Variants in SEMA6D observed in about 807,000 individuals in gnomAD.
SEMA6D encodes semaphorin-6D.
SEMA6D carries 35 observed loss-of-function variants against 106.6 expected under a neutral mutation model. The observed-to-expected ratio is 0.33, with a 90% CI of 0.25 to 0.44. SEMA6D has a LOEUF of 0.44. Among genes scored for constraint, SEMA6D ranks in the 20% least tolerant of loss-of-function variants. The probability of loss-of-function intolerance (pLI) is 1.00; values close to 1 mark genes in which losing one functional copy is unlikely to be tolerated. For missense variants in SEMA6D, 1,185 were observed against 1,345.9 expected, an observed-to-expected ratio of 0.88 and a Z score of 1.87; for synonymous variants, 499 against 487.7, an observed-to-expected ratio of 1.02 and a Z score of -0.31.
At chr15:47,201,687 C>A in intron 1 of SEMA6D, among the ~76,000 whole-genome samples, 1 of 152,056 alleles carries the variant, frequency 6.6e-6, no homozygotes, top group East Asian at 1.9e-4. Flanking sequence ...TTAACCATAC[C>A]TTTTACTTAA....
intron 3 of SEMA6D, among the ~76,000 whole-genome samples, chr15:47,503,698 C>T (rs2043938689): frequency 6.6e-6 from 1 of 151,868 alleles, no homozygotes; most frequent in Non-Finnish European, 1.5e-5. Flanking sequence ...GTCACACACA[C>T]ACACACACAC....
chr15:47,725,402 A>G (rs2079680163), intron 1 of SEMA6D, among the ~76,000 whole-genome samples: 1 of 152,204 alleles, frequency 6.6e-6, no homozygotes, highest in Non-Finnish European at 1.5e-5. Context: ...AATAGAGAAA[A>G]GGGAAATGAC....
intron 4 of SEMA6D, among the ~76,000 whole-genome samples, chr15:47,695,106 G>T: frequency 6.6e-6 from 1 of 152,168 alleles, no homozygotes; most frequent in East Asian, 1.9e-4. Flanking sequence ...GCCACTAGGT[G>T]GTCCATGCTT....
intron 1 of SEMA6D, among the ~76,000 whole-genome samples, chr15:47,344,576 AG>A (rs1373519514): frequency 6.6e-6 from 1 of 152,172 alleles, no homozygotes; most frequent in Non-Finnish European, 1.5e-5. Context: ...GAGTCTGAGA[AG>A]ACCAAGGTGG....
intron 2 of SEMA6D, among the ~76,000 whole-genome samples, chr15:47,432,719 C>G (rs2041579110): frequency 6.6e-6 from 1 of 152,032 alleles, no homozygotes; most frequent in African/African-American, 2.4e-5. Flanking sequence ...GACCATGTGA[C>G]CACACTTGAG....
intron 1 of SEMA6D, among the ~76,000 whole-genome samples, chr15:47,217,742 A>G (rs1379608883): frequency 6.6e-6 from 1 of 151,642 alleles, no homozygotes; most frequent in Non-Finnish European, 1.5e-5. Flanking sequence ...GATTTCACTT[A>G]ATTAAAGTTA....
chr15:47,252,617 A>G (rs1235074175), intron 1 of SEMA6D, among the ~76,000 whole-genome samples: 3 of 152,160 alleles, frequency 2.0e-5, no homozygotes, highest in Non-Finnish European at 4.4e-5. Flanking sequence ...CAACTTTCCT[A>G]GATTCCATAT....
chr15:47,768,470 A>T, intron 17 of SEMA6D, 111 bp from the exon 18 acceptor site: 1 of 943,054 alleles, frequency 1.1e-6, no homozygotes, highest in Non-Finnish European at 1.5e-6. Context: ...ACAAAATCCT[A>T]GAGCAAACTT....
chr15:47,734,492 G>T (rs917980771), intron 1 of SEMA6D, among the ~76,000 whole-genome samples: 7 of 152,082 alleles, frequency 4.6e-5, no homozygotes, highest in Admixed American at 3.3e-4. Flanking sequence ...TGCAAATCAC[G>T]TAGCTGATCC....
chr15:47,709,476 T>C (rs577958319), intron 4 of SEMA6D, among the ~76,000 whole-genome samples: 1 of 152,370 alleles, frequency 6.6e-6, no homozygotes, highest in Non-Finnish European at 1.5e-5. Flanking sequence ...AAATGCAAGG[T>C]ATTTCTCGTT....
At chr15:47,193,748 C>T (rs555420494) in intron 1 of SEMA6D, among the ~76,000 whole-genome samples, 1 of 152,214 alleles carries the variant, frequency 6.6e-6, no homozygotes, top group African/African-American at 2.4e-5. Flanking sequence ...ATTGACTCTT[C>T]ATAGCTTCTT....
At chr15:47,700,120 A>G (rs2078779467) in intron 4 of SEMA6D, among the ~76,000 whole-genome samples, 1 of 136,420 alleles carries the variant, frequency 7.3e-6, no homozygotes, top group African/African-American at 2.9e-5. Context: ...CTTTATTGAA[A>G]TAAATCAAAA....
rs376454672 is a variant in SEMA6D at position 47,370,683 on chromosome 15, TA to T, written c.-238-41683del. 4.1e-3 allele frequency among the ~76,000 whole-genome samples: 394 copies of T among 95,164 alleles called. 6 individuals are homozygous for T. Among genetic ancestry groups the T allele is most frequent in the East Asian group, 0.024 (71 of 2,972 alleles). 62.4% of individuals were successfully genotyped at this position (95,164 alleles called of 152,430 possible). A position where few individuals can be genotyped will look rare whatever the true frequency, so the allele number is the denominator to read the frequency against. On this transcript the variant is annotated intron_variant, in intron 1 of 19. Transcript: ENST00000558014. ...AACATGGTAAAGCGCCGTCTCTACT[TA>T]AAAAAAAAAAAAAAAAAAAAAAAAA...
chr15:47,627,161 A>T (rs2077217305), intron 4 of SEMA6D, among the ~76,000 whole-genome samples: 1 of 152,106 alleles, frequency 6.6e-6, no homozygotes, highest in East Asian at 1.9e-4. Context: ...TCTTCTCCCA[A>T]CCTGGTAATA....
chr15:47,275,807 A>G (rs545604490), intron 1 of SEMA6D, among the ~76,000 whole-genome samples: 2 of 152,296 alleles, frequency 1.3e-5, no homozygotes, highest in Admixed American at 1.3e-4. Flanking sequence ...GTTAGAAGTG[A>G]TTAAGCTGAG....
intron 1 of SEMA6D, among the ~76,000 whole-genome samples, chr15:47,334,661 C>T (rs2037478627): frequency 6.6e-6 from 1 of 152,114 alleles, no homozygotes; most frequent in South Asian, 2.1e-4. Flanking sequence ...GTGGGATTTG[C>T]TAGAAGGGCC....
chr15:47,407,078 T>A (rs1165029081), intron 1 of SEMA6D, among the ~76,000 whole-genome samples: 4 of 152,160 alleles, frequency 2.6e-5, no homozygotes, highest in Non-Finnish European at 5.9e-5. Flanking sequence ...GTGAATGTTG[T>A]AGGCCGGGCC....
Position 47,462,372 on chromosome 15 carries a change from T to C in SEMA6D, c.-158-8102T>C, listed in dbSNP as rs142121769. 2.4e-4 allele frequency among the ~76,000 whole-genome samples: 37 copies of C among 152,278 alleles called. 1 individual carries two copies. In the East Asian group the frequency reaches 5.6e-3, roughly 23 times the overall value. ...TTACATAGCAGGCAAGCACTACATA[T>C]GTTGCCTCACCAGCAATTCTGGAAG... On this transcript the variant is annotated intron_variant, in intron 2 of 19. Coordinates refer to the SEMA6D transcript ENST00000558014.
At chr15:47,597,059 A>G (rs2076551092) in intron 3 of SEMA6D, among the ~76,000 whole-genome samples, 1 of 152,136 alleles carries the variant, frequency 6.6e-6, no homozygotes, top group Non-Finnish European at 1.5e-5. Flanking sequence ...CAAAATATGT[A>G]ATAACTCAAA....
Sources: gnomAD v4.1 joint callset for allele counts (sites outside exome capture counted in the v4.1 genomes callset) on GRCh38, gnomAD v4.1.1 for gene constraint, MANE v1.5 for transcripts, NCBI Gene and HGNC (gene_info 2026-07-23, HGNC 2026-07-21) for gene names.